Variants in SUCLG2 observed in about 807,000 individuals in gnomAD.
The protein encoded by SUCLG2 is succinate--CoA ligase [GDP-forming] subunit beta, mitochondrial.
A neutral mutation model predicts 47.9 loss-of-function variants in SUCLG2; 42 were observed. That is an observed-to-expected ratio of 0.88 (90% confidence interval 0.69 to 1.14). The LOEUF (loss-of-function observed/expected upper bound fraction) is 1.14, where lower values mean the gene tolerates loss of function less well. SUCLG2 is among the 50% of genes most tolerant of loss of function. The probability of loss-of-function intolerance (pLI) is 0.00; values close to 1 mark genes in which losing one functional copy is unlikely to be tolerated. For missense variants in SUCLG2, 571 were observed against 525.9 expected, an observed-to-expected ratio of 1.09 and a Z score of -0.84; for synonymous variants, 195 against 197.3, an observed-to-expected ratio of 0.99 and a Z score of 0.10.
At chr3:67,362,169 C>G (rs1232467851) in intron 10 of SUCLG2, among the ~76,000 whole-genome samples, 1 of 152,092 alleles carries the variant, frequency 6.6e-6, no homozygotes, top group East Asian at 1.9e-4. Context: ...ATATACTTTC[C>G]AACACTTCCC....
At chr3:67,600,266 T>G (rs1708389089) in intron 2 of SUCLG2, among the ~76,000 whole-genome samples, 1 of 152,228 alleles carries the variant, frequency 6.6e-6, no homozygotes, top group Non-Finnish European at 1.5e-5. Flanking sequence ...TATTTTTATC[T>G]GCTGTTGATG....
rs749397659 is a variant in SUCLG2 at position 67,520,559 on chromosome 3, G to C, written c.493C>G (p.Pro165Ala). Residue 165 changes from proline to alanine, a missense_variant, in exon 5 of 11, where the codon CCC becomes GCC. By Grantham distance (27) the Pro-to-Ala change is conservative. Coordinates refer to ENST00000307227, the MANE Select transcript of SUCLG2 (RefSeq NM_003848.4). ...AILMDRSCNG[P>A]VLVGSPQGGV... ...CCCTGGGGGCTGCCCACCAGCACGG[G>C]GCCATTGCAGGACCGGTCCATCAGA... is the stretch of plus-strand genomic sequence containing the variant. 4.3e-6 allele frequency: 7 copies of C among 1,614,166 alleles called. No individual in the cohort carries two copies. Among genetic ancestry groups the C allele is most frequent in the Non-Finnish European group, 5.9e-6 (7 of 1,180,008 alleles).
At chr3:67,422,783 A>C (rs1028701267) in intron 9 of SUCLG2, among the ~76,000 whole-genome samples, 2 of 152,166 alleles carry the variant, frequency 1.3e-5, no homozygotes, top group African/African-American at 4.8e-5. Context: ...TTGTCTGTGC[A>C]TCTTACTAAA....
chr3:67,599,608 A>G (rs866695529), intron 2 of SUCLG2, among the ~76,000 whole-genome samples: 1 of 152,102 alleles, frequency 6.6e-6, no homozygotes. Flanking sequence ...TGATTTTTGC[A>G]CATCAAATAC....
intron 1 of SUCLG2, among the ~76,000 whole-genome samples, chr3:67,648,466 C>T (rs1395182058): frequency 6.6e-6 from 1 of 152,220 alleles, no homozygotes; most frequent in Non-Finnish European, 1.5e-5. Context: ...CAACTAGGAT[C>T]TTTCAGTGAC....
intron 9 of SUCLG2, among the ~76,000 whole-genome samples, chr3:67,444,256 C>T (rs1575700445): frequency 1.8e-5 from 1 of 57,006 alleles, no homozygotes; most frequent in African/African-American, 6.3e-5. Flanking sequence ...CCCCTCAGCC[C>T]GGCCAGCCAC....
chr3:67,639,453 GCT>G (rs1313872013), intron 1 of SUCLG2, among the ~76,000 whole-genome samples: 1 of 151,922 alleles, frequency 6.6e-6, no homozygotes, highest in Non-Finnish European at 1.5e-5. Context: ...TGCAGCAGAT[GCT>G]CTCAGTGCTC....
intron 9 of SUCLG2, among the ~76,000 whole-genome samples, chr3:67,466,065 A>C (rs1468358116): frequency 1.3e-5 from 2 of 152,170 alleles, no homozygotes; most frequent in African/African-American, 4.8e-5. Context: ...CCTGCTTTAA[A>C]AAATTGGCCA....
At chr3:67,497,835 AG>A (rs1321194755) in intron 8 of SUCLG2, among the ~76,000 whole-genome samples, 1 of 152,096 alleles carries the variant, frequency 6.6e-6, no homozygotes, top group Non-Finnish European at 1.5e-5. Context: ...TGTCTTCACA[AG>A]TGGGGGTTGT....
intron 1 of SUCLG2, among the ~76,000 whole-genome samples, chr3:67,650,744 G>A (rs1209931098): frequency 1.3e-5 from 2 of 151,984 alleles, no homozygotes; most frequent in East Asian, 3.9e-4. Flanking sequence ...GTGAGAGTGA[G>A]ACTCTCTTTC....
chr3:67,512,501 G>A (rs4371532), intron 6 of SUCLG2, among the ~76,000 whole-genome samples: 8,459 of 150,596 alleles, frequency 0.056, 411 homozygotes, highest in East Asian at 0.18. Flanking sequence ...GATAAATATC[G>A]GTTGAATTAA....
At chr3:67,376,239 G>T in intron 10 of SUCLG2, 1 of 985,444 alleles carries the variant, frequency 1.0e-6, no homozygotes, top group Non-Finnish European at 1.2e-6. Flanking sequence ...GAGAAAGGAA[G>T]TTCCGAGAAT....
chr3:67,556,847 G>A (rs1190382786), intron 2 of SUCLG2, among the ~76,000 whole-genome samples: 2 of 152,062 alleles, frequency 1.3e-5, no homozygotes, highest in Admixed American at 1.3e-4. Context: ...AAGAGCTGTT[G>A]GACACAATTC....
intron 9 of SUCLG2, among the ~76,000 whole-genome samples, chr3:67,412,940 T>C (rs1225835849): frequency 6.6e-6 from 1 of 152,182 alleles, no homozygotes; most frequent in South Asian, 2.1e-4. Context: ...ACTGGAAGGT[T>C]AACATTTTGT....
chr3:67,378,310 C>T lies in SUCLG2; in HGVS notation c.1184-2451G>A, dbSNP rs192626803. On this transcript the variant is annotated intron_variant, in intron 10 of 10. Transcript: ENST00000307227. ...GAACATGGCAAAAGTGATGGAGTGT[C>T]ACTTCTGAGACTAGGTTACAAAAGC... Among the ~76,000 whole-genome samples the T allele has an allele frequency of 1.9e-3, 287 of 152,316 alleles. 2 individuals carry two copies. In the Middle Eastern group the frequency reaches 0.044, roughly 23 times the overall value.
At chr3:67,419,981 T>C (rs1191476760) in intron 9 of SUCLG2, among the ~76,000 whole-genome samples, 2 of 152,186 alleles carry the variant, frequency 1.3e-5, no homozygotes, top group East Asian at 1.9e-4. Flanking sequence ...GATGGTTTGA[T>C]TGCTTCATGA....
At chr3:67,626,407 T>C (rs1034565290) in intron 1 of SUCLG2, among the ~76,000 whole-genome samples, 7 of 151,744 alleles carry the variant, frequency 4.6e-5, no homozygotes, top group African/African-American at 1.5e-4. Context: ...AAAACAGCAA[T>C]TGTAGGGTAC....
intron 9 of SUCLG2, among the ~76,000 whole-genome samples, chr3:67,401,085 T>A (rs188461710): frequency 6.6e-6 from 1 of 152,206 alleles, no homozygotes; most frequent in East Asian, 1.9e-4. Context: ...ATCACTCTTT[T>A]CAACTCAAAA....
chr3:67,398,313 C>A (rs1363552331), intron 10 of SUCLG2, among the ~76,000 whole-genome samples: 3 of 150,630 alleles, frequency 2.0e-5, no homozygotes, highest in African/African-American at 7.3e-5. Context: ...TGAACTCAAA[C>A]AAATTTACAA....
Sources: gnomAD v4.1 joint callset for allele counts (sites outside exome capture counted in the v4.1 genomes callset) on GRCh38, gnomAD v4.1.1 for gene constraint, MANE v1.5 for transcripts, NCBI Gene and HGNC (gene_info 2026-07-23, HGNC 2026-07-21) for gene names.